Variants in RAPGEF2 observed in about 807,000 individuals in gnomAD.
The protein encoded by RAPGEF2 is PDZ domain containing guanine nucleotide exchange factor (GEF) 1.
In RAPGEF2, 54 loss-of-function variants were observed where a neutral mutation model predicts 186.7. That is an observed-to-expected ratio of 0.29 (90% confidence interval 0.23 to 0.36). RAPGEF2 has a LOEUF of 0.36. RAPGEF2 is among the 10% of genes least tolerant of loss of function. The probability of loss-of-function intolerance (pLI) is 1.00; values close to 1 mark genes in which losing one functional copy is unlikely to be tolerated. For missense variants in RAPGEF2, 1,532 were observed against 2,045.0 expected (o/e 0.75, Z 4.84); for synonymous variants, 712 against 705.9 (o/e 1.01, Z -0.14).
chr4:159,326,225 A>T (rs6857361), intron 11 of RAPGEF2, among the ~76,000 whole-genome samples: 18,460 of 152,264 alleles, frequency 0.12, 1,190 homozygotes, highest in Admixed American at 0.2. Context: ...TTAAAATGTC[A>T]TATAACTGTC....
chr4:159,107,642 A>AT (rs1738022614), intron 1 of RAPGEF2, among the ~76,000 whole-genome samples: 1 of 152,152 alleles, frequency 6.6e-6, no homozygotes, highest in Non-Finnish European at 1.5e-5. Context: ...AACTTTTGAT[A>AT]TAAGTACTAA....
chr4:159,338,401 C>G lies in RAPGEF2; in HGVS notation c.2226C>G (p.Thr742=). ...HIPTALPVSG[T]LSSSNPDLLQ... ...CAACTGCATTGCCTGTCAGTGGAAC[C>G]TTATCATCCAGTAATCCTGATTTAT... Residue 742 remains threonine, a synonymous_variant, in exon 18 of 30, where the codon ACC becomes ACG. Coordinates refer to ENST00000691494, the MANE Select transcript of RAPGEF2 (RefSeq NM_001394067.2). The G allele has an allele frequency of 6.2e-7, 1 of 1,614,112 alleles. No homozygotes were observed. Among genetic ancestry groups the G allele is most frequent in the African/African-American group, 1.3e-5 (1 of 75,058 alleles).
chr4:159,138,930 CGAATT>C (rs1643920771), intron 1 of RAPGEF2, among the ~76,000 whole-genome samples: 1 of 152,068 alleles, frequency 6.6e-6, no homozygotes. Context: ...GGGACAGTAA[CGAATT>C]GAAATAGGTA....
intron 7 of RAPGEF2, among the ~76,000 whole-genome samples, chr4:159,244,116 GGCAGGCA>G (rs1754330596): frequency 2.6e-5 from 4 of 151,806 alleles, no homozygotes; most frequent in Admixed American, 2.6e-4. Flanking sequence ...AAGAGAGAAA[GGCAGGCA>G]GACATAAAGG....
intron 24 of RAPGEF2, 115 bp from the exon 25 acceptor site, chr4:159,346,674 C>A: frequency 1.2e-6 from 1 of 850,282 alleles, no homozygotes; most frequent in Non-Finnish European, 1.9e-6. Context: ...GAAAGGTGTG[C>A]ATTAATTTAG....
At chr4:159,332,948 T>A in intron 17 of RAPGEF2, 2 of 265,616 alleles carry the variant, frequency 7.5e-6, no homozygotes, top group Non-Finnish European at 1.4e-5. Flanking sequence ...GGGTTTGGAC[T>A]TTTTAGTTTA....
rs1767804897 is a variant in RAPGEF2, at chr4:159,338,596, T to C, written c.2293+128T>C. ...TCAGATGCTGAGTAAGGATGAAACT[T>C]AAACTTTAAGATTTTTGAAATCAGG... On this transcript the variant is annotated intron_variant, in intron 18 of 29. Transcript: ENST00000691494. The C allele has an allele frequency of 4.9e-6, 5 of 1,026,674 alleles. No homozygotes were observed. The East Asian group carries it at 1.3e-4, about 27-fold the overall frequency. The allele number at this position is 1,026,674 out of a possible 1,614,324, so 63.6% of individuals were successfully genotyped here. A position where few individuals can be genotyped will look rare whatever the true frequency, so the allele number is the denominator to read the frequency against.
At chr4:159,348,239 GATA>G (rs1268532592) in intron 25 of RAPGEF2, among the ~76,000 whole-genome samples, 16 of 125,328 alleles carry the variant, frequency 1.3e-4, no homozygotes, top group African/African-American at 3.8e-4. Context: ...TAGATAGATA[GATA>G]GATGGATGGA....
intron 3 of RAPGEF2, among the ~76,000 whole-genome samples, chr4:159,202,300 G>A (rs1174819368): frequency 6.6e-6 from 1 of 152,126 alleles, no homozygotes; most frequent in Non-Finnish European, 1.5e-5. Flanking sequence ...GTCTCTTCTT[G>A]TACCCCATAC....
intron 17 of RAPGEF2, among the ~76,000 whole-genome samples, chr4:159,333,008 T>C (rs987842303): frequency 1.3e-5 from 2 of 152,052 alleles, no homozygotes; most frequent in Non-Finnish European, 2.9e-5. Context: ...AGAAAGAGTC[T>C]CACTCTTATT....
At chr4:159,308,491 G>A (rs1264365242) in intron 8 of RAPGEF2, among the ~76,000 whole-genome samples, 1 of 152,150 alleles carries the variant, frequency 6.6e-6, no homozygotes, top group Non-Finnish European at 1.5e-5. Flanking sequence ...CTTCTCTCCT[G>A]TGAATCAAGC....
chr4:159,338,993 G>T, intron 18 of RAPGEF2, 121 bp from the exon 19 acceptor site: 1 of 1,165,746 alleles, frequency 8.6e-7, no homozygotes, highest in Non-Finnish European at 1.2e-6. Flanking sequence ...CTAGAGTAAG[G>T]GAGAGGTAAA....
intron 1 of RAPGEF2, among the ~76,000 whole-genome samples, chr4:159,147,911 C>G (rs1366665945): frequency 3.3e-5 from 5 of 152,182 alleles, no homozygotes. Flanking sequence ...TTGGCAATGC[C>G]TGGCACATGT....
At chr4:159,354,808 C>T (rs1437725305) in intron 28 of RAPGEF2, among the ~76,000 whole-genome samples, 1 of 152,242 alleles carries the variant, frequency 6.6e-6, no homozygotes, top group East Asian at 1.9e-4. Flanking sequence ...ATTGCTGCTG[C>T]TGTTCCTGTT....
chr4:159,195,976 A>G (rs982172834), intron 3 of RAPGEF2, among the ~76,000 whole-genome samples: 1 of 145,808 alleles, frequency 6.9e-6, no homozygotes, highest in Non-Finnish European at 1.5e-5. Flanking sequence ...ATTTTAGGTA[A>G]TCTTAAATTT....
In RAPGEF2 at chr4:159,255,356, GT is replaced by G. The variant is rs59760897; in HGVS notation, c.543+11578del. Reference sequence around the variant, plus strand: ...TCTTTTGCTCTATTTTGAATATATAGTTTTTTTTTTTTTAACTGGTGCCTTT... The same window carrying G: ...TCTTTTGCTCTATTTTGAATATATAGTTTTTTTTTTTTAACTGGTGCCTTT... On this transcript the variant is annotated intron_variant, in intron 7 of 29. Coordinates refer to ENST00000691494, the MANE Select transcript of RAPGEF2 (RefSeq NM_001394067.2). Among the ~76,000 whole-genome samples the G allele has an allele frequency of 6.5e-3, 943 of 145,382 alleles. 6 individuals are homozygous for G. Among genetic ancestry groups the G allele is most frequent in the African/African-American group, 0.02 (807 of 39,764 alleles).
rs376968409 is a variant in RAPGEF2 at position 159,156,224 on chromosome 4, T to C, written c.70-30418T>C. 4.6e-5 allele frequency among the ~76,000 whole-genome samples: 7 copies of C among 152,314 alleles called. No homozygotes were observed. The East Asian group carries it at 7.7e-4, about 17-fold the overall frequency. On this transcript the variant is annotated intron_variant, in intron 1 of 29. Coordinates refer to ENST00000691494, the MANE Select transcript of RAPGEF2 (RefSeq NM_001394067.2). ...CTGTTGGCAGGACTCAGTTTCTCAA[T>C]AGAAATGAAAAATCTTTTGAAAGTG...
rs1254197094 is a variant in RAPGEF2, at chr4:159,360,028, G to T, written c.*1889G>T. 6.6e-6 allele frequency: 1 copy of T among 152,038 alleles called. No homozygotes were observed. Among genetic ancestry groups the T allele is most frequent in the Non-Finnish European group, 1.5e-5 (1 of 68,006 alleles). The allele number at this position is 152,038 out of a possible 1,614,324, so 9.4% of individuals were successfully genotyped here. On this transcript the variant is annotated 3_prime_UTR_variant, in exon 30 of 30. Coordinates refer to ENST00000691494, the MANE Select transcript of RAPGEF2 (RefSeq NM_001394067.2). ...CATTGGTGGAGTCTGTATCCCTTTTGTATTTTTAATACAATAATTGTACAT... is the reference window on the plus strand; with the variant it reads ...CATTGGTGGAGTCTGTATCCCTTTTTTATTTTTAATACAATAATTGTACAT...
intron 7 of RAPGEF2, among the ~76,000 whole-genome samples, chr4:159,286,234 C>T (rs1760476267): frequency 6.6e-6 from 1 of 152,098 alleles, no homozygotes; most frequent in Non-Finnish European, 1.5e-5. Flanking sequence ...TTGCTCAAAC[C>T]TCTGTATCCT....
Sources: gnomAD v4.1 joint callset for allele counts (sites outside exome capture counted in the v4.1 genomes callset) on GRCh38, gnomAD v4.1.1 for gene constraint, MANE v1.5 for transcripts, NCBI Gene and HGNC (gene_info 2026-07-23, HGNC 2026-07-21) for gene names.